The following DYM variants were observed in gnomAD, a reference collection of about 807,000 sequenced individuals.
DYM encodes dymeclin, also known as dyggve-Melchior-Clausen syndrome protein.
Under a neutral mutation model 93.1 loss-of-function variants are expected in DYM, and 78 were observed. The ratio of observed to expected loss-of-function variants is 0.84; its 90% CI spans 0.70 to 1.01. The LOEUF (loss-of-function observed/expected upper bound fraction) is 1.01, where lower values mean the gene tolerates loss of function less well. DYM is among the 50% of genes least tolerant of loss of function. The pLI is 0.00. For synonymous variants in DYM, 321 were observed against 319.7 expected, an observed-to-expected ratio of 1.00 and a Z score of -0.04; for missense variants, 789 against 845.0, an observed-to-expected ratio of 0.93 and a Z score of 0.82.
At chr18:49,358,536 T>A (rs1189682490) in intron 6 of DYM, among the ~76,000 whole-genome samples, 1 of 152,194 alleles carries the variant, frequency 6.6e-6, no homozygotes, top group African/African-American at 2.4e-5. Flanking sequence ...CTCATCTTTA[T>A]CAATCTATAC....
chr18:49,439,484 A>C (rs1420330185), intron 1 of DYM, among the ~76,000 whole-genome samples: 1 of 152,172 alleles, frequency 6.6e-6, no homozygotes, highest in Non-Finnish European at 1.5e-5. Context: ...CCCCAGGTAG[A>C]TTATTCCTGA....
intron 10 of DYM, among the ~76,000 whole-genome samples, chr18:49,278,710 G>C (rs1230987052): frequency 1.3e-5 from 2 of 152,106 alleles, no homozygotes; most frequent in Non-Finnish European, 2.9e-5. Context: ...TCCCCACTTG[G>C]AAAGTGTGTG....
chr18:49,224,406 T>A (rs905001561), intron 13 of DYM, among the ~76,000 whole-genome samples: 2 of 152,086 alleles, frequency 1.3e-5, no homozygotes, highest in Non-Finnish European at 2.9e-5. Context: ...TGGGAGTGGC[T>A]ACAATCACCT....
intron 6 of DYM, among the ~76,000 whole-genome samples, chr18:49,348,368 T>A (rs1300966490): frequency 2.0e-5 from 3 of 152,144 alleles, no homozygotes; most frequent in African/African-American, 7.2e-5. Context: ...AACAAAAGTA[T>A]GTTAGTATAA....
At chr18:49,171,828 C>T (rs1337697109) in intron 14 of DYM, among the ~76,000 whole-genome samples, 1 of 152,146 alleles carries the variant, frequency 6.6e-6, no homozygotes, top group Non-Finnish European at 1.5e-5. Context: ...CAGCCCTATG[C>T]TACTGGTTAC....
intron 13 of DYM, among the ~76,000 whole-genome samples, chr18:49,236,941 C>T (rs980470566): frequency 1.3e-5 from 2 of 152,168 alleles, no homozygotes; most frequent in African/African-American, 4.8e-5. Flanking sequence ...TGTTGCTTAA[C>T]GAAGCTCAAG....
chr18:49,451,079 T>C (rs11533774), intron 1 of DYM, among the ~76,000 whole-genome samples: 25,394 of 152,056 alleles, frequency 0.17, 2,819 homozygotes, highest in East Asian at 0.33. Flanking sequence ...TTTTTGACTT[T>C]TGCTTGGAAT....
At chr18:49,279,766 T>C (rs2094926274) in intron 10 of DYM, among the ~76,000 whole-genome samples, 1 of 152,196 alleles carries the variant, frequency 6.6e-6, no homozygotes, top group South Asian at 2.1e-4. Context: ...CTTCTCTTTA[T>C]AGGATTTTAC....
At chr18:49,438,013 C>A (rs1256539310) in intron 1 of DYM, among the ~76,000 whole-genome samples, 8 of 152,040 alleles carry the variant, frequency 5.3e-5, no homozygotes, top group Non-Finnish European at 1.5e-5. Flanking sequence ...TGGGCAAGAC[C>A]CCATCTATAC....
intron 2 of DYM, among the ~76,000 whole-genome samples, chr18:49,415,378 G>T (rs77702607): frequency 2.1e-5 from 3 of 144,470 alleles, no homozygotes; most frequent in Non-Finnish European, 4.5e-5. Flanking sequence ...GAATTAAAAC[G>T]ATATACACCA....
At chr18:49,409,376 T>A (rs1386274341) in intron 2 of DYM, among the ~76,000 whole-genome samples, 1 of 152,080 alleles carries the variant, frequency 6.6e-6, no homozygotes, top group Non-Finnish European at 1.5e-5. Context: ...AGACACATGA[T>A]TGACTATATT....
chr18:49,168,991 G>T (rs185253860), intron 14 of DYM, among the ~76,000 whole-genome samples: 1 of 152,130 alleles, frequency 6.6e-6, no homozygotes, highest in Non-Finnish European at 1.5e-5. Context: ...AAATGAAGCC[G>T]GTAAGACAAG....
chr18:49,330,002 G>A (rs2063196060), intron 8 of DYM, among the ~76,000 whole-genome samples: 1 of 152,178 alleles, frequency 6.6e-6, no homozygotes, highest in African/African-American at 2.4e-5. Context: ...TTCCTGGAAT[G>A]TGGATTAACT....
chr18:49,370,150 C>T (rs545419657), intron 5 of DYM, among the ~76,000 whole-genome samples: 90 of 151,996 alleles, frequency 5.9e-4, no homozygotes, highest in Non-Finnish European at 1.1e-3. Flanking sequence ...TGGTGGCCCA[C>T]GCCTGTAATC....
At chr18:49,305,091 AT>A (rs1331334708) in intron 8 of DYM, among the ~76,000 whole-genome samples, 1 of 151,968 alleles carries the variant, frequency 6.6e-6, no homozygotes, top group Non-Finnish European at 1.5e-5. Context: ...TACTTTTCTC[AT>A]TGTCCATCGC....
At chr18:49,373,889 A>T (rs528936997) in intron 5 of DYM, among the ~76,000 whole-genome samples, 184 of 152,250 alleles carry the variant, frequency 1.2e-3, no homozygotes, top group African/African-American at 4.1e-3. Flanking sequence ...ACCAAGCAGA[A>T]CTATGTTTTT....
intron 10 of DYM, among the ~76,000 whole-genome samples, chr18:49,281,508 G>A (rs2094975314): frequency 6.6e-6 from 1 of 152,224 alleles, no homozygotes. Flanking sequence ...GCACACGCAT[G>A]TTTATGGCAG....
chr18:49,427,812 G>A (rs62102899), intron 2 of DYM, among the ~76,000 whole-genome samples: 32 of 152,232 alleles, frequency 2.1e-4, no homozygotes, highest in Non-Finnish European at 4.4e-4. Context: ...GCTGGGTCCA[G>A]TGGCTCATGC....
rs995694724 is a variant in DYM at position 49,452,699 on chromosome 18, C to T, written c.-54+7699G>A. On this transcript the variant is annotated intron_variant, in intron 1 of 17. Coordinates refer to ENST00000675505, the MANE Select transcript of DYM (RefSeq NM_001353214.3). ...CCTGACGAGCGCCGCTCCCTGCTCC[C>T]CAGCGCCTGGTCCCATCAACCGCCC... Among the ~76,000 whole-genome samples, 21 of 78,138 alleles carry T rather than the reference C, an allele frequency of 2.7e-4. 4 individuals are homozygous for T. Among genetic ancestry groups the T allele is most frequent in the Middle Eastern group, 0.018 (2 of 110 alleles). The allele number at this position is 78,138 out of a possible 152,430, so 51.3% of individuals were successfully genotyped here. A position where few individuals can be genotyped will look rare whatever the true frequency, so the allele number is the denominator to read the frequency against.
Sources: gnomAD v4.1 joint callset for allele counts (sites outside exome capture counted in the v4.1 genomes callset) on GRCh38, gnomAD v4.1.1 for gene constraint, MANE v1.5 for transcripts, NCBI Gene and HGNC (gene_info 2026-07-23, HGNC 2026-07-21) for gene names.